Variants in TBC1D23 observed in about 807,000 individuals in gnomAD.
The protein encoded by TBC1D23 is HCV non-structural protein 4A-transactivated protein 1.
Under a neutral mutation model 91.4 loss-of-function variants are expected in TBC1D23, and 55 were observed. The observed-to-expected ratio is 0.60, with a 90% CI of 0.48 to 0.75. The LOEUF (loss-of-function observed/expected upper bound fraction) is 0.75, where lower values mean the gene tolerates loss of function less well. Among genes scored for constraint, TBC1D23 ranks in the 30% least tolerant of loss-of-function variants. The pLI is 0.00. For missense variants in TBC1D23, 725 were observed against 836.1 expected, an observed-to-expected ratio of 0.87 and a Z score of 1.64; for synonymous variants, 289 against 281.0, an observed-to-expected ratio of 1.03 and a Z score of -0.28.
chr3:100,311,746 A>C (rs1330982497), intron 14 of TBC1D23, 87 bp from the exon 15 acceptor site: 1 of 909,976 alleles, frequency 1.1e-6, no homozygotes, highest in African/African-American at 1.6e-5. Flanking sequence ...GGTGAGAAAA[A>C]CTAAACTGTA....
At chr3:100,305,182 A>T (rs1357252763) in intron 12 of TBC1D23, among the ~76,000 whole-genome samples, 1 of 152,186 alleles carries the variant, frequency 6.6e-6, no homozygotes, top group Non-Finnish European at 1.5e-5. Flanking sequence ...GAGAAGAAGG[A>T]TTAAATGATG....
At chr3:100,319,654 C>T (rs1412112744) in intron 17 of TBC1D23, among the ~76,000 whole-genome samples, 2 of 152,066 alleles carry the variant, frequency 1.3e-5, no homozygotes, top group South Asian at 2.1e-4. Flanking sequence ...TCTCGAACTC[C>T]GGACCTCAGG....
chr3:100,302,035 G>C, intron 10 of TBC1D23, 32 bp from the exon 11 acceptor site: 1 of 1,531,660 alleles, frequency 6.5e-7, no homozygotes, highest in Non-Finnish European at 8.8e-7. Context: ...ACACAGGCTT[G>C]TCAAGTTTTT....
intron 4 of TBC1D23, among the ~76,000 whole-genome samples, chr3:100,285,822 TTG>T (rs1283928562): frequency 6.6e-6 from 1 of 152,252 alleles, no homozygotes; most frequent in Non-Finnish European, 1.5e-5. Flanking sequence ...GCTAATGATG[TTG>T]AGCATCTTTT....
chr3:100,280,224 A>G (rs1443253164), intron 2 of TBC1D23, among the ~76,000 whole-genome samples: 2 of 152,064 alleles, frequency 1.3e-5, no homozygotes, highest in East Asian at 3.9e-4. Flanking sequence ...GTGAGACTCC[A>G]TCTCAAAAAA....
At chr3:100,274,395 T>A (rs1483246758) in intron 1 of TBC1D23, among the ~76,000 whole-genome samples, 2 of 152,314 alleles carry the variant, frequency 1.3e-5, no homozygotes, top group African/African-American at 4.8e-5. Flanking sequence ...ATACGTTAAA[T>A]AGAGTTGATT....
chr3:100,261,211 C>T, intron 1 of TBC1D23, 140 bp downstream of exon 1: 2 of 760,624 alleles, frequency 2.6e-6, no homozygotes, highest in South Asian at 1.7e-5. Context: ...TGCCCTACCC[C>T]TCTGCCAGCT....
intron 16 of TBC1D23, 49 bp downstream of exon 16, chr3:100,316,236 A>T: frequency 7.7e-7 from 1 of 1,298,942 alleles, no homozygotes; most frequent in Non-Finnish European, 1.1e-6. Flanking sequence ...ATTAGGAGTG[A>T]TTACAGCAGT....
In TBC1D23 at chr3:100,324,333, T is replaced by C. The variant is rs1292540189; in HGVS notation, c.*665T>C. The C allele has an allele frequency of 6.6e-6, 1 of 152,200 alleles. No homozygotes were observed. Among genetic ancestry groups the C allele is most frequent in the African/African-American group, 2.4e-5 (1 of 41,446 alleles). 9.4% of individuals were successfully genotyped at this position (152,200 alleles called of 1,614,324 possible). A position where few individuals can be genotyped will look rare whatever the true frequency, so the allele number is the denominator to read the frequency against. On this transcript the variant is annotated 3_prime_UTR_variant, in exon 19 of 19. Transcript: ENST00000394144. ...AAGATAAGAAACTTCATCCTAATGA[T>C]TTCTAAAGAGCAGTTAAAAGCATTA...
chr3:100,302,378 C>G (rs1293461477), intron 11 of TBC1D23, 141 bp downstream of exon 11: 1 of 585,260 alleles, frequency 1.7e-6, no homozygotes, highest in East Asian at 3.3e-5. Flanking sequence ...CCAGATTTTT[C>G]TCATATGCTT....
chr3:100,315,737 ATTG>A (rs1355751889), intron 15 of TBC1D23: 9 of 226,460 alleles, frequency 4.0e-5, no homozygotes, highest in Admixed American at 9.9e-5. Flanking sequence ...ACAGGTAGAT[ATTG>A]TTAGCACTAT....
chr3:100,296,234 G>T lies in TBC1D23; in HGVS notation c.835G>T (p.Ala279Ser). 1 of 1,608,384 alleles carries T rather than the reference G, an allele frequency of 6.2e-7. No individual in the cohort carries two copies. Among genetic ancestry groups the T allele is most frequent in the South Asian group, 1.1e-5 (1 of 89,894 alleles). ...IEDIEDLFSL[A>S]QYYCSKTPAS... Reference sequence around the variant, plus strand: ...AGATATAGAAGACCTTTTCTCTCTGGCTCAGTATTATTGCAGCAAAACACC... The same window carrying T: ...AGATATAGAAGACCTTTTCTCTCTGTCTCAGTATTATTGCAGCAAAACACC... Residue 279 changes from alanine to serine, a missense_variant, in exon 8 of 19, where the codon GCT becomes TCT. Transcript: ENST00000394144.
intron 4 of TBC1D23, among the ~76,000 whole-genome samples, chr3:100,287,139 G>A (rs900696261): frequency 6.6e-6 from 1 of 151,784 alleles, no homozygotes; most frequent in African/African-American, 2.4e-5. Flanking sequence ...TTGAGACAGG[G>A]TCTCACTCTG....
At chr3:100,267,195 A>C (rs1478931515) in intron 1 of TBC1D23, 1 of 442,452 alleles carries the variant, frequency 2.3e-6, no homozygotes, top group Non-Finnish European at 4.5e-6. Flanking sequence ...AACAGTTTGA[A>C]AAGGGGCAGG....
chr3:100,267,181 A>T, intron 1 of TBC1D23: 3 of 438,026 alleles, frequency 6.8e-6, no homozygotes, highest in South Asian at 3.3e-5. Context: ...AAATAATAGG[A>T]TTAAACAGTT....
chr3:100,261,204 C>T, intron 1 of TBC1D23, 133 bp downstream of exon 1: 1 of 821,126 alleles, frequency 1.2e-6, no homozygotes, highest in Non-Finnish European at 2.0e-6. Context: ...GGTGCCCTGC[C>T]CTACCCCTCT....
rs780714825 is a variant in TBC1D23 at position 100,324,626 on chromosome 3, G to T, written c.*958G>T. On this transcript the variant is annotated 3_prime_UTR_variant, in exon 19 of 19. Transcript: ENST00000394144. The stretch of plus-strand genomic sequence containing the variant: ...AATTTCTTTCTCTTCTTTTGGTTTT[G>T]TCCTCTCATTGAAGTTCCAGTGGTT... 1 of 152,034 alleles carries T rather than the reference G, an allele frequency of 6.6e-6. No individual in the cohort carries two copies. The highest frequency in any genetic ancestry group is 6.5e-5 in the Admixed American group (1 of 15,270). The allele number at this position is 152,034 out of a possible 1,614,324, so 9.4% of individuals were successfully genotyped here. A position where few individuals can be genotyped will look rare whatever the true frequency, so the allele number is the denominator to read the frequency against.
intron 13 of TBC1D23, 81 bp from the exon 14 acceptor site, chr3:100,310,322 C>A: frequency 7.9e-7 from 1 of 1,264,240 alleles, no homozygotes; most frequent in Non-Finnish European, 1.1e-6. Context: ...GCAATTCAGT[C>A]TATAACATGT....
chr3:100,315,183 A>G (rs1201766990), intron 15 of TBC1D23, among the ~76,000 whole-genome samples: 1 of 92,712 alleles, frequency 1.1e-5, no homozygotes, highest in Admixed American at 1.5e-4. Flanking sequence ...TTTTTTTGAA[A>G]TGGAGTTTCA....
Sources: gnomAD v4.1 joint callset for allele counts (sites outside exome capture counted in the v4.1 genomes callset) on GRCh38, gnomAD v4.1.1 for gene constraint, MANE v1.5 for transcripts, NCBI Gene and HGNC (gene_info 2026-07-23, HGNC 2026-07-21) for gene names.